Variants in PMEL observed in about 807,000 individuals in gnomAD.
PMEL encodes the protein melanocyte protein PMEL.
In PMEL, 53 loss-of-function variants were observed where a neutral mutation model predicts 64.9. That is an observed-to-expected ratio of 0.82 (90% CI 0.66 to 1.03). The LOEUF (loss-of-function observed/expected upper bound fraction) is 1.03. Ranked by LOEUF, PMEL falls within the 50% of genes least tolerant of loss-of-function variation. The pLI, the probability that PMEL is intolerant of heterozygous loss-of-function variation, is 0.00. For synonymous variants in PMEL, 299 were observed against 316.2 expected, an observed-to-expected ratio of 0.95 and a Z score of 0.58; for missense variants, 716 against 814.9, an observed-to-expected ratio of 0.88 and a Z score of 1.48.
rs76045902 is a variant in PMEL, at chr12:55,955,822, C to T, written c.1513G>A (p.Gly505Ser). The T allele has an allele frequency of 4.3e-3, 6,915 of 1,614,050 alleles. 269 individuals are homozygous for T. The African/African-American group carries it at 0.082, about 19-fold the overall frequency. ...SAEILQAVPS[G>S]EGDAFELTVS... is the part of the protein sequence containing the mutation. ...GTCAGCTCAAATGCATCCCCCTCAC[C>T]GGACGGCACAGCCTGCAGGATCTCG... Residue 505 changes from glycine (G) to serine (S), a missense_variant, in exon 8 of 11, where the codon GGT becomes AGT. Gly to Ser is a moderately conservative substitution (Grantham distance 56). Transcript: ENST00000548747.
chr12:55,962,730 C>T lies in PMEL; in HGVS notation c.77-998G>A, dbSNP rs551992817. 4.0e-5 allele frequency among the ~76,000 whole-genome samples: 6 copies of T among 151,470 alleles called. No individual in the cohort carries two copies. The East Asian group carries it at 1.2e-3, about 31-fold the overall frequency. On this transcript the variant is annotated intron_variant, in intron 1 of 10. Coordinates refer to ENST00000548747, the MANE Select transcript of PMEL (RefSeq NM_001384361.1). The stretch of plus-strand genomic sequence containing the variant: ...GTTTCGCCATGTTTCATGGTTTCTC[C>T]ATGTTGGCCAGGTTTGTCTCAAACT...
intron 3 of PMEL, among the ~76,000 whole-genome samples, chr12:55,961,020 G>A (rs1252664783): frequency 6.6e-6 from 1 of 150,880 alleles, no homozygotes; most frequent in African/African-American, 2.4e-5. Flanking sequence ...TGGCTAACAC[G>A]GTGAAACCCT....
intron 1 of PMEL, 138 bp from the exon 2 acceptor site, chr12:55,961,870 C>CT (rs2136447175): frequency 3.4e-6 from 2 of 593,582 alleles, no homozygotes; most frequent in East Asian, 5.8e-5. Flanking sequence ...GAGTTTCGCT[C>CT]TTGTTGCCCA....
Position 55,957,408 on chromosome 12 carries a change from T to C in PMEL, c.895A>G (p.Thr299Ala). Residue 299 changes from threonine (T) to alanine (A), a missense_variant, in exon 6 of 11, where the codon ACC (threonine) becomes GCC (alanine). By Grantham distance (58) the Thr-to-Ala change is moderately conservative. Coordinates refer to ENST00000548747, the MANE Select transcript of PMEL (RefSeq NM_001384361.1). ...QVVLQAAIPL[T>A]SCGSSPVPGT... Reference sequence around the variant, plus strand: ...GGAACTGGGGAGGAGCCACAGGAGGTGAGAGGAATGGCAGCCTGCAGGACC... The same window carrying C: ...GGAACTGGGGAGGAGCCACAGGAGGCGAGAGGAATGGCAGCCTGCAGGACC... The C allele has an allele frequency of 6.2e-7, 1 of 1,602,996 alleles. No homozygotes were observed.
intron 2 of PMEL, 49 bp from the exon 3 acceptor site, chr12:55,961,512 G>A (rs1565776759): frequency 5.6e-6 from 9 of 1,608,862 alleles, no homozygotes; most frequent in Non-Finnish European, 7.7e-6. Flanking sequence ...TCCCCTCCCT[G>A]TATACGTTTC....
intron 1 of PMEL, 50 bp from the exon 2 acceptor site, chr12:55,961,782 C>T (rs1889112108): frequency 8.8e-7 from 1 of 1,134,126 alleles, no homozygotes; most frequent in Non-Finnish European, 1.3e-6. Context: ...AGTTCCTTCT[C>T]AGGGATAACA....
At chr12:55,961,973 A>G (rs1889120108) in intron 1 of PMEL, among the ~76,000 whole-genome samples, 2 of 150,504 alleles carry the variant, frequency 1.3e-5, no homozygotes, top group African/African-American at 4.9e-5. Context: ...AGTAGCTGGG[A>G]TTACAGGCAT....
At chr12:55,963,837 C>T (rs1315222407) in intron 1 of PMEL, among the ~76,000 whole-genome samples, 1 of 152,156 alleles carries the variant, frequency 6.6e-6, no homozygotes, top group Non-Finnish European at 1.5e-5. Context: ...AAACTACCCT[C>T]ACCCCATTTT....
rs1888916860 is a variant in PMEL, at chr12:55,957,186, C to T, written c.1117G>A (p.Gly373Ser). 3.1e-6 allele frequency: 5 copies of T among 1,614,112 alleles called. No individual in the cohort carries two copies. The highest frequency in any genetic ancestry group is 4.2e-6 in the Non-Finnish European group (5 of 1,180,054). The stretch of plus-strand genomic sequence containing the variant: ...ACTGGCACCTTCTCAGGTGTCATAC[C>T]TGTGCTCTCTGCAGTTGGCATCTGC... ...PVQMPTAEST[G>S]MTPEKVPVSE... Residue 373 changes from glycine to serine, a missense_variant, in exon 6 of 11, where the codon GGT becomes AGT. Coordinates refer to ENST00000548747, the MANE Select transcript of PMEL (RefSeq NM_001384361.1).
At chr12:55,959,386 A>AAAATAAATAAAT (rs200660768) in intron 3 of PMEL, among the ~76,000 whole-genome samples, 44 of 150,090 alleles carry the variant, frequency 2.9e-4, no homozygotes, top group African/African-American at 1.1e-3. Flanking sequence ...CCCCGACTTT[A>AAAATAAATAAAT]AAATAAATAA....
At chr12:55,960,210 C>CAAAAAAAAAAAA (rs56810428) in intron 3 of PMEL, among the ~76,000 whole-genome samples, 5 of 56,268 alleles carry the variant, frequency 8.9e-5, no homozygotes, top group African/African-American at 3.7e-4. Flanking sequence ...GACTCTGTCT[C>CAAAAAAAAAAAA]AAAAAAAAAA....
chr12:55,965,729 G>A (rs1889273933), intron 1 of PMEL, among the ~76,000 whole-genome samples: 1 of 152,016 alleles, frequency 6.6e-6, no homozygotes, highest in Admixed American at 6.6e-5. Context: ...CTATCCTTCT[G>A]CCCCTCCAAG....
intron 1 of PMEL, among the ~76,000 whole-genome samples, chr12:55,965,116 CG>C (rs199844702): frequency 0.046 from 6,921 of 149,900 alleles, 504 homozygotes; most frequent in African/African-American, 0.16. Context: ...TTAGTAGAGA[CG>C]GGGGTTTCAC....
At position 55,955,599 on chromosome 12, in the gene PMEL, G is replaced by C; in HGVS notation, c.1627C>G (p.Pro543Ala). The change falls in exon 9 of 11, where the codon CCT becomes GCT. Residue 543 changes from proline to alanine, a missense_variant. Physicochemically the swap from Pro to Ala is conservative, Grantham distance 27. Coordinates refer to ENST00000548747, the MANE Select transcript of PMEL (RefSeq NM_001384361.1). ...CQPPAQRLCQ[P>A]VLPSPACQLV... ...TGGCAGGCTGGGCTGGGTAGCACAG[G>C]CTGGCACAGCCGCTGGGCAGGGGGC... is the stretch of plus-strand genomic sequence containing the variant. 6.2e-7 allele frequency: 1 copy of C among 1,613,950 alleles called. No individual in the cohort carries two copies. The highest frequency in any genetic ancestry group is 8.5e-7 in the Non-Finnish European group (1 of 1,180,010).
Position 55,958,577 on chromosome 12 carries a change from T to G in PMEL, c.365A>C (p.Tyr122Ser). The G allele has an allele frequency of 1.2e-6, 2 of 1,614,052 alleles. No homozygotes were observed. Among genetic ancestry groups the G allele is most frequent in the Non-Finnish European group, 1.7e-6 (2 of 1,179,908 alleles). The change falls in exon 4 of 11, where the codon TAT (tyrosine) becomes TCT (serine). Residue 122 changes from tyrosine to serine, a missense_variant. Transcript: ENST00000548747. ...GSQVWGGQPV[Y>S]PQETDDACIF... ...GCAGGCATCGTCAGTTTCCTGGGGA[T>G]ACACTGGCTGTCCTCCCCACACCTG...
chr12:55,966,166 A>T, upstream of PMEL: 1 of 1,163,504 alleles, frequency 8.6e-7, no homozygotes, highest in East Asian at 2.4e-5. Flanking sequence ...TGACAAAGGG[A>T]TCCTGGTCCC....
At chr12:55,954,521 G>C (rs1214065580) in intron 10 of PMEL, among the ~76,000 whole-genome samples, 172 bp from the exon 11 acceptor site, 1 of 152,130 alleles carries the variant, frequency 6.6e-6, no homozygotes, top group Non-Finnish European at 1.5e-5. Flanking sequence ...GGTAACCTCT[G>C]TCCATTCCTC....
Position 55,956,222 on chromosome 12 carries a change from G to A in PMEL, c.1355-3C>T, listed in dbSNP as rs1327970099. On this transcript the variant is annotated splice_polypyrimidine_tract_variant and splice_region_variant and intron_variant, in intron 6 of 10. Transcript: ENST00000548747. ...ATCCAGCAGGGGGCCCAGGGAACCT[G>A]GCAGGAGAGGATCAAGGAGGCAAGA... is the stretch of plus-strand genomic sequence containing the variant. The A allele has an allele frequency of 1.6e-5, 26 of 1,591,722 alleles. No homozygotes were observed. The highest frequency in any genetic ancestry group is 2.2e-5 in the Non-Finnish European group (26 of 1,159,904).
Position 55,957,275 on chromosome 12 carries a change from G to A in PMEL, c.1028C>T (p.Ala343Val). ...CACAGATGTGGTTCCAGAGGGCTCT[G>A]CAGTTGGCGCCTGACCAGGTGTAGT... is the stretch of plus-strand genomic sequence containing the variant. ...VGTTPGQAPT[A>V]EPSGTTSVQV... Residue 343 changes from alanine to valine, a missense_variant, in exon 6 of 11, where the codon GCA becomes GTA. Ala to Val is a moderately conservative substitution (Grantham distance 64, BLOSUM62 0). Coordinates refer to ENST00000548747, the MANE Select transcript of PMEL (RefSeq NM_001384361.1). The A allele has an allele frequency of 6.2e-7, 1 of 1,613,106 alleles. No individual in the cohort carries two copies. Among genetic ancestry groups the A allele is most frequent in the Non-Finnish European group, 8.5e-7 (1 of 1,179,170 alleles).
Sources: gnomAD v4.1 joint callset for allele counts (sites outside exome capture counted in the v4.1 genomes callset) on GRCh38, gnomAD v4.1.1 for gene constraint, MANE v1.5 for transcripts, NCBI Gene and HGNC (gene_info 2026-07-23, HGNC 2026-07-21) for gene names.